The following ARK2C variants were observed in gnomAD, a reference collection of about 807,000 sequenced individuals.
The protein encoded by ARK2C is E3 ubiquitin-protein ligase ARK2C.
chr18:46,348,668 A>G, the ARK2C span, among the ~76,000 whole-genome samples: 96 of 152,284 alleles, frequency 6.3e-4, no homozygotes, highest in African/African-American at 2.2e-3. Flanking sequence ...CATTTTCCAC[A>G]GTGTCCAAGC....
At chr18:46,356,376 C>T in the ARK2C span, among the ~76,000 whole-genome samples, 4 of 152,054 alleles carry the variant, frequency 2.6e-5, no homozygotes, top group South Asian at 2.1e-4. Context: ...TGCAAAATAG[C>T]GCAGGGTCAA....
At chr18:46,385,068 C>A in the ARK2C span, among the ~76,000 whole-genome samples, 17 of 152,194 alleles carry the variant, frequency 1.1e-4, no homozygotes, top group East Asian at 2.7e-3. Context: ...AGTTGGCAAA[C>A]CTTTTGACAT....
chr18:46,368,818 C>T, the ARK2C span, among the ~76,000 whole-genome samples: 1 of 152,218 alleles, frequency 6.6e-6, no homozygotes, highest in Non-Finnish European at 1.5e-5. Flanking sequence ...CTTTGAACCT[C>T]AATATCCTCA....
At chr18:46,348,691 C>T in the ARK2C span, among the ~76,000 whole-genome samples, 4 of 152,152 alleles carry the variant, frequency 2.6e-5, no homozygotes, top group Non-Finnish European at 4.4e-5. Context: ...GCACTGGGGC[C>T]TCTTGAGCTG....
At chr18:46,442,335 T>C in the ARK2C span, among the ~76,000 whole-genome samples, 1 of 152,226 alleles carries the variant, frequency 6.6e-6, no homozygotes, top group Non-Finnish European at 1.5e-5. Flanking sequence ...TTTTCTTTTC[T>C]AATATAAGCA....
the ARK2C span, among the ~76,000 whole-genome samples, chr18:46,341,913 C>A: frequency 6.6e-6 from 1 of 152,184 alleles, no homozygotes; most frequent in Non-Finnish European, 1.5e-5. Flanking sequence ...GCCTCCACTA[C>A]TTTGCAAAAG....
chr18:46,446,436 C>T, the ARK2C span, among the ~76,000 whole-genome samples: 6 of 151,738 alleles, frequency 4.0e-5, no homozygotes, highest in Non-Finnish European at 4.4e-5. Context: ...TTTGGGATAC[C>T]GAGGTGGGTG....
the ARK2C span, chr18:46,455,965 T>G: frequency 6.3e-7 from 1 of 1,588,290 alleles, no homozygotes; most frequent in Non-Finnish European, 8.6e-7. Context: ...CTCTCTCTGC[T>G]TCTCATAGCG....
the ARK2C span, among the ~76,000 whole-genome samples, chr18:46,397,505 TGGTCATGCTGAGGTGTGAGGTG>T: frequency 8.9e-4 from 86 of 97,004 alleles, no homozygotes; most frequent in African/African-American, 3.5e-3. Flanking sequence ...TGTGTGTGTG[TGGTCATGCTGAGGTGTGAGGTG>T]GTGTGTGTGT....
At chr18:46,384,093 C>G in the ARK2C span, among the ~76,000 whole-genome samples, 1 of 152,240 alleles carries the variant, frequency 6.6e-6, no homozygotes, top group Non-Finnish European at 1.5e-5. Flanking sequence ...GGATTCTAGC[C>G]AGAGAGCTCA....
chr18:46,381,602 G>A, the ARK2C span, among the ~76,000 whole-genome samples: 5 of 152,150 alleles, frequency 3.3e-5, no homozygotes, highest in East Asian at 1.9e-4. Flanking sequence ...AGGCTGAGGC[G>A]GGAGGATTGC....
chr18:46,439,570 G>A, the ARK2C span, among the ~76,000 whole-genome samples: 1 of 152,182 alleles, frequency 6.6e-6, no homozygotes, highest in Non-Finnish European at 1.5e-5. Flanking sequence ...AGAAACGACT[G>A]CTTGCAGCAT....
At chr18:46,421,936 T>G in the ARK2C span, among the ~76,000 whole-genome samples, 1 of 152,160 alleles carries the variant, frequency 6.6e-6, no homozygotes, top group Non-Finnish European at 1.5e-5. Flanking sequence ...TTTGGGCATA[T>G]CACTTTCTTT....
chr18:46,439,863 G>T, the ARK2C span, among the ~76,000 whole-genome samples: 13 of 152,100 alleles, frequency 8.5e-5, no homozygotes, highest in Non-Finnish European at 1.8e-4. Context: ...ACGGAGTCTC[G>T]CTCTGTCGCC....
At chr18:46,450,418 G>A in the ARK2C span, 1 of 1,555,364 alleles carries the variant, frequency 6.4e-7, no homozygotes. Context: ...GCTCTGTCTG[G>A]TACCAACTGG....
chr18:46,376,321 G>A, the ARK2C span, among the ~76,000 whole-genome samples: 1 of 152,238 alleles, frequency 6.6e-6, no homozygotes, highest in African/African-American at 2.4e-5. Flanking sequence ...CCACTTAATG[G>A]ACAGGAAAAC....
the ARK2C span, chr18:46,433,537 C>A: frequency 1.3e-6 from 2 of 1,550,364 alleles, no homozygotes; most frequent in South Asian, 1.2e-5. Context: ...GGTGGGGACC[C>A]GGATGGGGTC....
chr18:46,425,932 C>T, the ARK2C span, among the ~76,000 whole-genome samples: 2 of 152,126 alleles, frequency 1.3e-5, no homozygotes, highest in East Asian at 1.9e-4. Context: ...GGTAAGGGTC[C>T]GCCTCCTCAT....
the ARK2C span, chr18:46,386,885 C>T: frequency 6.6e-6 from 1 of 152,248 alleles, no homozygotes; most frequent in African/African-American, 2.4e-5. Context: ...TTTCTGATTT[C>T]TAGTACCTTT....
Sources: allele counts gnomAD v4.1 joint callset (sites outside exome capture counted in the v4.1 genomes callset), GRCh38; gene constraint gnomAD v4.1.1; transcripts MANE v1.5; gene names NCBI Gene and HGNC (gene_info 2026-07-23, HGNC 2026-07-21).